Variants in LRRC63 observed in about 807,000 individuals in gnomAD.
LRRC63 encodes leucine rich repeat containing 63.
LRRC63 carries 40 observed loss-of-function variants against 49.5 expected under a neutral mutation model. The ratio of observed to expected loss-of-function variants is 0.81; its 90% confidence interval spans 0.63 to 1.05. The LOEUF (loss-of-function observed/expected upper bound fraction) is 1.05. Ranked by LOEUF, LRRC63 falls within the 50% of genes least tolerant of loss-of-function variation. The pLI is 0.00. For synonymous variants in LRRC63, 191 were observed against 221.1 expected (o/e 0.86, Z 1.21); for missense variants, 636 against 663.1 (o/e 0.96, Z 0.45).
intron 2 of LRRC63, among the ~76,000 whole-genome samples, chr13:46,222,115 G>A (rs760846082): frequency 4.6e-5 from 7 of 152,228 alleles, no homozygotes; most frequent in Non-Finnish European, 1.0e-4. Flanking sequence ...TAGTGATATA[G>A]AACATTTTTA....
At chr13:46,230,929 C>T (rs975081948) in intron 4 of LRRC63, among the ~76,000 whole-genome samples, 1 of 152,230 alleles carries the variant, frequency 6.6e-6, no homozygotes, top group African/African-American at 2.4e-5. Context: ...CAAGTCATCA[C>T]TCTGAAGTTC....
chr13:46,252,821 G>A (rs533618922), intron 7 of LRRC63, among the ~76,000 whole-genome samples: 1 of 151,934 alleles, frequency 6.6e-6, no homozygotes, highest in Non-Finnish European at 1.5e-5. Flanking sequence ...GCAGTTTGCT[G>A]GTTTTGAAGC....
chr13:46,228,381 C>G (rs903886448), intron 3 of LRRC63, among the ~76,000 whole-genome samples, 192 bp downstream of exon 3: 8 of 152,140 alleles, frequency 5.3e-5, no homozygotes, highest in Non-Finnish European at 8.8e-5. Context: ...TCTGCCAAGG[C>G]CAGACTGGGT....
intron 5 of LRRC63, among the ~76,000 whole-genome samples, chr13:46,237,904 A>T (rs991852800): frequency 6.6e-6 from 1 of 152,184 alleles, no homozygotes; most frequent in Non-Finnish European, 1.5e-5. Context: ...GAACAAAAAA[A>T]ATCCGAGCAG....
At chr13:46,273,601 T>TAAAAAAAAA (rs66994107) in intron 9 of LRRC63, among the ~76,000 whole-genome samples, 1 of 109,486 alleles carries the variant, frequency 9.1e-6, no homozygotes, top group South Asian at 3.1e-4. Context: ...GAATCTGCCT[T>TAAAAAAAAA]AAAAAAAAAA....
At chr13:46,263,325 C>G (rs1028862838) in intron 8 of LRRC63, among the ~76,000 whole-genome samples, 1 of 152,056 alleles carries the variant, frequency 6.6e-6, no homozygotes, top group South Asian at 2.1e-4. Flanking sequence ...TAGGTGTACA[C>G]CAGCATGCCT....
intron 9 of LRRC63, among the ~76,000 whole-genome samples, chr13:46,275,286 G>T (rs1026093388): frequency 3.3e-5 from 5 of 152,118 alleles, no homozygotes; most frequent in Admixed American, 1.3e-4. Context: ...AAATATGGGG[G>T]TGCAGCTGTC....
chr13:46,262,082 TA>T (rs1348989966), intron 8 of LRRC63, 90 bp downstream of exon 8: 1 of 397,950 alleles, frequency 2.5e-6, no homozygotes, highest in African/African-American at 2.1e-5. Context: ...TTCATTTATT[TA>T]ATAGCCATAA....
At chr13:46,276,366 A>T (rs1187666952) in intron 9 of LRRC63, among the ~76,000 whole-genome samples, 3 of 152,092 alleles carry the variant, frequency 2.0e-5, no homozygotes, top group Non-Finnish European at 4.4e-5. Flanking sequence ...CTTGTTATGC[A>T]TATATACCTT....
intron 5 of LRRC63, among the ~76,000 whole-genome samples, chr13:46,243,281 C>T (rs1316644327): frequency 6.6e-6 from 1 of 152,058 alleles, no homozygotes; most frequent in Non-Finnish European, 1.5e-5. Flanking sequence ...TTTTGTAAGC[C>T]TCATGGTAAC....
In LRRC63 at chr13:46,263,223, C is replaced by A. The variant is rs148758803; in HGVS notation, c.1310+1231C>A. On this transcript the variant is annotated intron_variant, in intron 8 of 9. Coordinates refer to ENST00000595396, the Ensembl canonical transcript of LRRC63. ...ACAGGATCTCACTCTGTCGCCCAGG[C>A]TGGAGTGCAGTGGTATGATCATAGC... is the stretch of plus-strand genomic sequence containing the variant. 4.0e-4 allele frequency among the ~76,000 whole-genome samples: 61 copies of A among 152,138 alleles called. 1 individual carries two copies. In the East Asian group the frequency reaches 0.012, roughly 29 times the overall value.
At chr13:46,265,083 C>A (rs1460379736) in intron 8 of LRRC63, among the ~76,000 whole-genome samples, 3 of 152,046 alleles carry the variant, frequency 2.0e-5, no homozygotes, top group Non-Finnish European at 4.4e-5. Context: ...TCACTTGAAC[C>A]CAGGGGGCAG....
Position 46,227,512 on chromosome 13 carries a change from C to T in LRRC63, c.86C>T (p.Ala29Val), listed in dbSNP as rs968244300. The change falls in exon 3 of 10, where the codon GCT (alanine) becomes GTT (valine). Residue 29 changes from alanine to valine, a missense_variant and splice_region_variant. Physicochemically the swap from Ala to Val is moderately conservative, Grantham distance 64. Coordinates refer to ENST00000595396, the Ensembl canonical transcript of LRRC63. ...TTTTTCTTTTTTTCTTTTGGTTTAGCTAAAACTGGTAAAATTGAGTCACTA... is the reference window on the plus strand; with the variant it reads ...TTTTTCTTTTTTTCTTTTGGTTTAGTTAAAACTGGTAAAATTGAGTCACTA... The T allele has an allele frequency of 3.4e-6, 5 of 1,470,608 alleles. No homozygotes were observed. The African/African-American group carries it at 4.3e-5, about 13-fold the overall frequency. The allele number at this position is 1,470,608 out of a possible 1,614,324, so 91.1% of individuals were successfully genotyped here. A position where few individuals can be genotyped will look rare whatever the true frequency, so the allele number is the denominator to read the frequency against.
chr13:46,255,838 C>T (rs1288094466), intron 7 of LRRC63, among the ~76,000 whole-genome samples: 1 of 151,992 alleles, frequency 6.6e-6, no homozygotes, highest in Non-Finnish European at 1.5e-5. Flanking sequence ...ATGGGGTATT[C>T]CCATTATCCT....
chr13:46,258,548 G>A (rs1412820353), intron 7 of LRRC63, among the ~76,000 whole-genome samples: 2 of 150,332 alleles, frequency 1.3e-5, no homozygotes, highest in Non-Finnish European at 3.0e-5. Context: ...GGTGGCTCAC[G>A]CCTGTAATCC....
At chr13:46,261,884 A>C (rs2047619984) in intron 7 of LRRC63, 25 bp from the exon 8 acceptor site, 1 of 777,240 alleles carries the variant, frequency 1.3e-6, no homozygotes, top group Non-Finnish European at 1.8e-6. Flanking sequence ...TCATTTCTAC[A>C]ATTAATTTTC....
intron 9 of LRRC63, among the ~76,000 whole-genome samples, chr13:46,275,440 C>G (rs997892160): frequency 6.6e-6 from 1 of 152,100 alleles, no homozygotes; most frequent in Non-Finnish European, 1.5e-5. Flanking sequence ...ACCACTGAAA[C>G]TGTGTAAGAG....
intron 6 of LRRC63, among the ~76,000 whole-genome samples, chr13:46,249,317 CAG>C (rs1346784503): frequency 5.9e-5 from 9 of 151,480 alleles, no homozygotes; most frequent in Admixed American, 3.3e-4. Context: ...GATAGAAAAA[CAG>C]AGAAAATTTA....
intron 9 of LRRC63, among the ~76,000 whole-genome samples, chr13:46,275,839 T>C (rs756329357): frequency 7.9e-5 from 12 of 152,230 alleles, no homozygotes; most frequent in Non-Finnish European, 1.2e-4. Flanking sequence ...TTGTTGCTTA[T>C]GCTTTTCAAG....
Sources: gnomAD v4.1 joint callset for allele counts (sites outside exome capture counted in the v4.1 genomes callset) on GRCh38, gnomAD v4.1.1 for gene constraint, MANE v1.5 for transcripts, NCBI Gene and HGNC (gene_info 2026-07-23, HGNC 2026-07-21) for gene names.